The following NBEA variants were observed in gnomAD, a reference collection of about 807,000 sequenced individuals.
The protein encoded by NBEA is neurobeachin, also known as lysosomal-trafficking regulator 2.
NBEA carries 44 observed loss-of-function variants against 343.4 expected under a neutral mutation model. The ratio of observed to expected loss-of-function variants is 0.13; its 90% CI spans 0.10 to 0.16. The LOEUF is 0.16. Among genes scored for constraint, NBEA ranks in the 10% least tolerant of loss-of-function variants. The pLI is 1.00. For synonymous variants in NBEA, 1,175 were observed against 1,238.7 expected, an observed-to-expected ratio of 0.95 and a Z score of 1.08; for missense variants, 2,555 against 3,631.3, an observed-to-expected ratio of 0.70 and a Z score of 7.62.
rs1171218596 is a variant in NBEA at position 35,211,257 on chromosome 13, A to G, written c.5648+78A>G. 9 of 1,226,650 alleles carry G rather than the reference A, an allele frequency of 7.3e-6. No individual in the cohort carries two copies. In the East Asian group the frequency reaches 2.1e-4, roughly 29 times the overall value. The allele number at this position is 1,226,650 out of a possible 1,614,324, so 76.0% of individuals were successfully genotyped here. A position where few individuals can be genotyped will look rare whatever the true frequency, so the allele number is the denominator to read the frequency against. On this transcript the variant is annotated intron_variant, in intron 33 of 58. Transcript: ENST00000379939. ...AGTACACAAAAATACAAAAATATAGAAAGAGTTCTTGAGAATGAAGGTTAA... is the reference window on the plus strand; with the variant it reads ...AGTACACAAAAATACAAAAATATAGGAAGAGTTCTTGAGAATGAAGGTTAA...
chr13:35,035,479 A>G (rs2062404811), intron 1 of NBEA, among the ~76,000 whole-genome samples: 1 of 152,008 alleles, frequency 6.6e-6, no homozygotes, highest in Non-Finnish European at 1.5e-5. Context: ...AAGAATGTGT[A>G]TTCTGCAGCT....
intron 18 of NBEA, among the ~76,000 whole-genome samples, chr13:35,143,284 G>A (rs1231740255): frequency 1.3e-5 from 2 of 152,180 alleles, no homozygotes; most frequent in Non-Finnish European, 2.9e-5. Flanking sequence ...TATTTGTTAT[G>A]CTCTCCTCAC....
intron 44 of NBEA, among the ~76,000 whole-genome samples, chr13:35,559,044 T>G (rs1411249382): frequency 6.6e-6 from 1 of 152,224 alleles, no homozygotes; most frequent in Non-Finnish European, 1.5e-5. Context: ...TCCCTGGATA[T>G]ATTCCTATTA....
At chr13:35,494,914 G>C (rs541593408) in intron 41 of NBEA, among the ~76,000 whole-genome samples, 10 of 152,002 alleles carry the variant, frequency 6.6e-5, no homozygotes, top group African/African-American at 2.4e-4. Context: ...GGAGGCTTAG[G>C]TGGAAGGATC....
chr13:35,173,679 T>C, intron 27 of NBEA, 85 bp downstream of exon 27: 5 of 1,346,534 alleles, frequency 3.7e-6, no homozygotes, highest in Non-Finnish European at 3.0e-6. Context: ...GCCATGGTAT[T>C]GCTCAGTGAT....
chr13:35,246,522 C>T (rs901748724), intron 34 of NBEA, among the ~76,000 whole-genome samples: 58 of 152,270 alleles, frequency 3.8e-4, no homozygotes, highest in African/African-American at 1.3e-3. Flanking sequence ...GATGTGGCTT[C>T]CTGCTAGCCA....
At chr13:35,572,918 C>G (rs2080509483) in intron 45 of NBEA, among the ~76,000 whole-genome samples, 2 of 151,980 alleles carry the variant, frequency 1.3e-5, no homozygotes, top group African/African-American at 4.8e-5. Flanking sequence ...CATAATCTAC[C>G]TAATGCTTAA....
intron 49 of NBEA, among the ~76,000 whole-genome samples, chr13:35,642,453 A>G (rs2084008623): frequency 6.6e-6 from 1 of 152,232 alleles, no homozygotes; most frequent in South Asian, 2.1e-4. Flanking sequence ...ATACATGCTC[A>G]TGAGCTCACG....
chr13:35,219,734 C>T (rs1023984003), intron 33 of NBEA, among the ~76,000 whole-genome samples: 1 of 151,990 alleles, frequency 6.6e-6, no homozygotes, highest in Admixed American at 6.6e-5. Context: ...CTGGCTGGCT[C>T]AAGACTGAAG....
At chr13:35,635,095 A>T (rs564833424) in intron 49 of NBEA, among the ~76,000 whole-genome samples, 97 of 152,256 alleles carry the variant, frequency 6.4e-4, no homozygotes, top group Non-Finnish European at 1.2e-3. Context: ...TTTCATCCTG[A>T]TGATGTAAAT....
chr13:35,317,730 T>C (rs1594193190), intron 36 of NBEA, among the ~76,000 whole-genome samples: 1 of 152,202 alleles, frequency 6.6e-6, no homozygotes, highest in Admixed American at 6.5e-5. Flanking sequence ...ATTCTTCCTA[T>C]CCATGAGCAT....
chr13:35,249,071 C>T (rs1184300227), intron 34 of NBEA, among the ~76,000 whole-genome samples: 3 of 150,824 alleles, frequency 2.0e-5, no homozygotes, highest in African/African-American at 7.3e-5. Flanking sequence ...ATTGCTTGAA[C>T]CTGGGAGGCG....
At chr13:35,103,388 T>C (rs538248641) in intron 11 of NBEA, among the ~76,000 whole-genome samples, 170 of 151,816 alleles carry the variant, frequency 1.1e-3, no homozygotes, top group Admixed American at 2.6e-3. Context: ...TGAAATGCTT[T>C]CTTGCATTGT....
At chr13:35,198,515 C>CTCAAAATACTCAAAA (rs1593711264) in intron 31 of NBEA, among the ~76,000 whole-genome samples, 1 of 152,012 alleles carries the variant, frequency 6.6e-6, no homozygotes, top group East Asian at 1.9e-4. Context: ...ATATTCTTAG[C>CTCAAAATACTCAAAA]TACTCAAAAT....
chr13:35,090,404 C>T (rs1318428315), intron 10 of NBEA, among the ~76,000 whole-genome samples: 1 of 151,828 alleles, frequency 6.6e-6, no homozygotes, highest in Non-Finnish European at 1.5e-5. Flanking sequence ...TGTATACACA[C>T]GAAGTAGGAA....
intron 1 of NBEA, among the ~76,000 whole-genome samples, chr13:35,039,477 T>C (rs1435451841): frequency 1.3e-5 from 2 of 152,168 alleles, no homozygotes; most frequent in African/African-American, 4.8e-5. Flanking sequence ...TATTCTTATA[T>C]GAGATTGTAA....
intron 41 of NBEA, among the ~76,000 whole-genome samples, chr13:35,537,038 G>A (rs1424122850): frequency 1.3e-5 from 2 of 152,120 alleles, no homozygotes; most frequent in Non-Finnish European, 2.9e-5. Context: ...ATGGGGCAGG[G>A]GGATAGGGTT....
intron 34 of NBEA, among the ~76,000 whole-genome samples, chr13:35,283,624 A>T (rs2152813099): frequency 6.6e-6 from 1 of 152,318 alleles, no homozygotes; most frequent in African/African-American, 2.4e-5. Context: ...AAAGAAAGGT[A>T]ATAAGTGCAT....
At chr13:35,232,142 C>T (rs2075009348) in intron 33 of NBEA, among the ~76,000 whole-genome samples, 2 of 152,134 alleles carry the variant, frequency 1.3e-5, no homozygotes, top group African/African-American at 4.8e-5. Context: ...CAGGGACCCA[C>T]ATTGTCAGTG....
Sources: gnomAD v4.1 joint callset for allele counts (sites outside exome capture counted in the v4.1 genomes callset) on GRCh38, gnomAD v4.1.1 for gene constraint, MANE v1.5 for transcripts, NCBI Gene and HGNC (gene_info 2026-07-23, HGNC 2026-07-21) for gene names.